SCYL2: variants seen among roughly 807,000 people sequenced by gnomAD.
SCYL2 encodes the protein SCY1-like protein 2.
In SCYL2, 36 loss-of-function variants were observed where a neutral mutation model predicts 100.4. The ratio of observed to expected loss-of-function variants is 0.36; its 90% CI spans 0.27 to 0.47. The LOEUF (loss-of-function observed/expected upper bound fraction) is 0.47. SCYL2 is among the 20% of genes least tolerant of loss of function. The probability of loss-of-function intolerance (pLI) is 1.00; values close to 1 mark genes in which losing one functional copy is unlikely to be tolerated. For missense variants in SCYL2, 902 were observed against 1,083.9 expected (o/e 0.83, Z 2.36); for synonymous variants, 330 against 359.2 (o/e 0.92, Z 0.92).
At position 100,335,837 on chromosome 12, in the gene SCYL2, T is replaced by G; in HGVS notation, c.1956T>G (p.Ile652Met). 6.2e-7 allele frequency: 1 copy of G among 1,613,390 alleles called. No individual in the cohort carries two copies. The highest frequency in any genetic ancestry group is 1.3e-5 in the African/African-American group (1 of 75,026). ...NQQIDKVFNN[I>M]GADLLTGSES... ...AAATTGACAAAGTTTTTAACAACAT[T>G]GGAGCAGACCTTCTGACTGGCAGTG... The change falls in exon 16 of 18, where the codon ATT (isoleucine) becomes ATG (methionine). Residue 652 changes from isoleucine (I) to methionine (M), a missense_variant. By Grantham distance (10) the Ile-to-Met change is conservative. Transcript: ENST00000360820.
At chr12:100,305,046 A>G (rs1165124657) in intron 4 of SCYL2, among the ~76,000 whole-genome samples, 3 of 152,208 alleles carry the variant, frequency 2.0e-5, no homozygotes, top group African/African-American at 4.8e-5. Context: ...CTCCCACGCA[A>G]TAATAGTGGG....
chr12:100,317,760 A>G, intron 9 of SCYL2, 43 bp from the exon 10 acceptor site: 3 of 1,554,356 alleles, frequency 1.9e-6, no homozygotes, highest in Non-Finnish European at 2.6e-6. Context: ...TGAATCTTTT[A>G]AAGATTCCAG....
chr12:100,294,960 A>T (rs1330872231), intron 3 of SCYL2, among the ~76,000 whole-genome samples: 11 of 148,240 alleles, frequency 7.4e-5, no homozygotes, highest in Admixed American at 6.7e-5. Context: ...TGCCAGGCAG[A>T]GGGTCTCCTC....
Position 100,270,287 on chromosome 12 carries a change from G to A in SCYL2, c.-29+2495G>A, listed in dbSNP as rs148641925. 5.4e-3 allele frequency among the ~76,000 whole-genome samples: 818 copies of A among 152,062 alleles called. 4 individuals carry two copies. Among genetic ancestry groups the A allele is most frequent in the Middle Eastern group, 0.017 (5 of 292 alleles). ...AAGGCGTGAGCCACCGCGCCTGGCCGAGATTTTATACTTTCTTAAATTAAG... is the reference window on the plus strand; with the variant it reads ...AAGGCGTGAGCCACCGCGCCTGGCCAAGATTTTATACTTTCTTAAATTAAG... On this transcript the variant is annotated intron_variant, in intron 1 of 17. Coordinates refer to ENST00000360820, the MANE Select transcript of SCYL2 (RefSeq NM_017988.6).
intron 11 of SCYL2, 114 bp from the exon 12 acceptor site, chr12:100,326,508 A>T: frequency 1.4e-6 from 1 of 703,372 alleles, no homozygotes; most frequent in Non-Finnish European, 2.2e-6. Flanking sequence ...TTCTAAATCT[A>T]CATTTATTCT....
intron 12 of SCYL2, among the ~76,000 whole-genome samples, chr12:100,328,221 G>A (rs1952161253): frequency 6.6e-6 from 1 of 152,040 alleles, no homozygotes; most frequent in Admixed American, 6.5e-5. Flanking sequence ...GAGGCTGCAG[G>A]GACCCATGAT....
chr12:100,270,267 G>A (rs1341813664), intron 1 of SCYL2, among the ~76,000 whole-genome samples: 1 of 152,062 alleles, frequency 6.6e-6, no homozygotes, highest in Admixed American at 6.6e-5. Context: ...GATTAAAGGC[G>A]TGAGCCACCG....
chr12:100,280,005 A>G (rs1031682193), intron 1 of SCYL2, among the ~76,000 whole-genome samples: 9 of 152,296 alleles, frequency 5.9e-5, no homozygotes, highest in South Asian at 2.1e-4. Flanking sequence ...CAGCTTCTCA[A>G]TTCAGCTAGA....
intron 4 of SCYL2, among the ~76,000 whole-genome samples, chr12:100,310,144 A>G (rs1012375713): frequency 1.6e-4 from 24 of 152,044 alleles, no homozygotes; most frequent in African/African-American, 5.6e-4. Context: ...GTCTAGAGGC[A>G]CGCGCCACCA....
At chr12:100,325,483 G>A (rs1218019597) in intron 11 of SCYL2, among the ~76,000 whole-genome samples, 1 of 152,142 alleles carries the variant, frequency 6.6e-6, no homozygotes, top group Non-Finnish European at 1.5e-5. Flanking sequence ...TACTTTCAGT[G>A]CTTCTGCCTA....
chr12:100,309,452 A>G (rs900861230), intron 4 of SCYL2, among the ~76,000 whole-genome samples: 1 of 152,064 alleles, frequency 6.6e-6, no homozygotes, highest in Admixed American at 6.6e-5. Context: ...TGACTACTCT[A>G]GGTACTTCGT....
At chr12:100,273,711 A>T (rs1215118289) in intron 1 of SCYL2, among the ~76,000 whole-genome samples, 1 of 152,222 alleles carries the variant, frequency 6.6e-6, no homozygotes, top group East Asian at 1.9e-4. Context: ...ACGTGGTATT[A>T]TAATCCCTTC....
At position 100,267,806 on chromosome 12, in the gene SCYL2, C is replaced by T. The variant is rs1479473479; in HGVS notation, c.-29+14C>T. 6.6e-6 allele frequency: 1 copy of T among 152,186 alleles called. No homozygotes were observed. Among genetic ancestry groups the T allele is most frequent in the Non-Finnish European group, 1.5e-5 (1 of 68,112 alleles). The allele number at this position is 152,186 out of a possible 1,614,324, so 9.4% of individuals were successfully genotyped here. The stretch of plus-strand genomic sequence containing the variant: ...CTCTAGGACCGGGTGAGAGAGTTCA[C>T]CTCAGTTCTGAGGTCCGGAATCCGG... On this transcript the variant is annotated intron_variant, in intron 1 of 17. Coordinates refer to ENST00000360820, the MANE Select transcript of SCYL2 (RefSeq NM_017988.6).
At chr12:100,276,534 C>T (rs1435604447) in intron 1 of SCYL2, among the ~76,000 whole-genome samples, 1 of 151,992 alleles carries the variant, frequency 6.6e-6, no homozygotes, top group Non-Finnish European at 1.5e-5. Flanking sequence ...AACAGGGTCT[C>T]CTTATGTTGC....
intron 13 of SCYL2, among the ~76,000 whole-genome samples, chr12:100,332,265 A>G (rs1308129569): frequency 6.6e-6 from 1 of 152,198 alleles, no homozygotes; most frequent in Non-Finnish European, 1.5e-5. Context: ...TCTGCCTGGC[A>G]TGTACTCAAA....
chr12:100,268,042 A>G (rs905735243), intron 1 of SCYL2, among the ~76,000 whole-genome samples: 2 of 152,300 alleles, frequency 1.3e-5, no homozygotes, highest in Middle Eastern at 3.4e-3. Context: ...GCAAAAACTT[A>G]TTGGACTTTG....
Position 100,307,852 on chromosome 12 carries a change from A to T in SCYL2, c.481-3192A>T, listed in dbSNP as rs866021012. On this transcript the variant is annotated intron_variant, in intron 4 of 17. Transcript: ENST00000360820. ...AAGCATATGAACAGACACTTCTGAA[A>T]AGGACATTTATGCAGCCAACAAACA... 2.6e-5 allele frequency among the ~76,000 whole-genome samples: 4 copies of T among 152,352 alleles called. 1 individual carries two copies. Among genetic ancestry groups the T allele is most frequent in the Middle Eastern group, 6.8e-3 (2 of 294 alleles).
chr12:100,307,135 A>G (rs2096335517), intron 4 of SCYL2, among the ~76,000 whole-genome samples: 1 of 152,226 alleles, frequency 6.6e-6, no homozygotes, highest in South Asian at 2.1e-4. Flanking sequence ...ACAGAATTAG[A>G]AAAAAGTACT....
At chr12:100,320,535 G>A (rs972949514) in intron 10 of SCYL2, among the ~76,000 whole-genome samples, 2 of 149,436 alleles carry the variant, frequency 1.3e-5, no homozygotes, top group African/African-American at 5.0e-5. Context: ...GCGACAGAGT[G>A]AGACTCCGTC....
Sources: allele counts gnomAD v4.1 joint callset (sites outside exome capture counted in the v4.1 genomes callset), GRCh38; gene constraint gnomAD v4.1.1; transcripts MANE v1.5; gene names NCBI Gene and HGNC (gene_info 2026-07-23, HGNC 2026-07-21).